The following GBA2 variants were observed in gnomAD, a reference collection of about 807,000 sequenced individuals.
GBA2 encodes the protein glucosylceramidase beta 2, also known as non-lysosomal glucosylceramidase.
A neutral mutation model predicts 112.9 loss-of-function variants in GBA2; 79 were observed. That is an observed-to-expected ratio of 0.70 (90% CI 0.58 to 0.84). GBA2 has a LOEUF of 0.84. GBA2 is among the 40% of genes least tolerant of loss of function. The pLI is 0.00. For synonymous variants in GBA2, 403 were observed against 434.3 expected (o/e 0.93, Z 0.90); for missense variants, 1,043 against 1,190.0 (o/e 0.88, Z 1.82).
rs1204799979 is a variant in GBA2 at position 35,737,021 on chromosome 9, C to T, written c.*148G>A. On this transcript the variant is annotated 3_prime_UTR_variant, in exon 17 of 17. Transcript: ENST00000378103. This position sits in a 1 kb window ranked among gnomAD's most constrained non-coding sequence, Gnocchi z 4.1. Reference sequence around the variant, plus strand: ...CTAATGCTGCCTAGGTCACCCTCAACCCCCATTTACTGGCACAATTGGGTG... The same window carrying T: ...CTAATGCTGCCTAGGTCACCCTCAATCCCCATTTACTGGCACAATTGGGTG... 2 of 1,250,876 alleles carry T rather than the reference C, an allele frequency of 1.6e-6. No homozygotes were observed. The highest frequency in any genetic ancestry group is 2.6e-5 in the Admixed American group (1 of 38,484). 77.5% of individuals were successfully genotyped at this position (1,250,876 alleles called of 1,614,324 possible). A position where few individuals can be genotyped will look rare whatever the true frequency, so the allele number is the denominator to read the frequency against.
chr9:35,739,328 T>C lies in GBA2; in HGVS notation c.1674A>G (p.Leu558=). The change falls in exon 10 of 17, where the codon CTA becomes CTG. Residue 558 remains leucine, a synonymous_variant. Coordinates refer to ENST00000378103, the MANE Select transcript of GBA2 (RefSeq NM_020944.3). The stretch of plus-strand genomic sequence containing the variant: ...AGGGATCCTCACCCATGTCATACTG[T>C]AGGCTGAGCTCAAGTTTGGGCCAGA... The part of the protein sequence containing the change: ...IMLWPKLELS[L]QYDMALATLR... The C allele has an allele frequency of 1.2e-6, 2 of 1,607,948 alleles. No homozygotes were observed. The highest frequency in any genetic ancestry group is 1.7e-6 in the Non-Finnish European group (2 of 1,174,404).
At position 35,744,430 on chromosome 9, in the gene GBA2, G is replaced by T; in HGVS notation, c.452-18C>A. 7.1e-7 allele frequency: 1 copy of T among 1,407,054 alleles called. No homozygotes were observed. Among genetic ancestry groups the T allele is most frequent in the Non-Finnish European group, 1.0e-6 (1 of 990,764 alleles). The allele number at this position is 1,407,054 out of a possible 1,614,324, so 87.2% of individuals were successfully genotyped here. ...GGGACAACCTAGAGAAATCAGGGTG[G>T]TTAGTGGGGTATTGGGAGAGGAAAA... is the stretch of plus-strand genomic sequence containing the variant. On this transcript the variant is annotated intron_variant, in intron 2 of 16. Coordinates refer to ENST00000378103, the MANE Select transcript of GBA2 (RefSeq NM_020944.3).
At chr9:35,739,938 G>A (rs1826538994) in intron 8 of GBA2, 60 bp downstream of exon 8, 1 of 1,597,012 alleles carries the variant, frequency 6.3e-7, no homozygotes, top group Middle Eastern at 1.7e-4. Flanking sequence ...AGAGTAAATC[G>A]AGGAGTCCCA....
Position 35,741,519 on chromosome 9 carries a change from C to T in GBA2, c.786+153G>A, listed in dbSNP as rs924035689. ...TTTCACGTGTTAGCCAGGATGGTCT[C>T]GATCTCCTGATCTCATGATCCGCCT... On this transcript the variant is annotated intron_variant, in intron 4 of 16. Coordinates refer to ENST00000378103, the MANE Select transcript of GBA2 (RefSeq NM_020944.3). This position sits in a 1 kb window ranked among gnomAD's most constrained non-coding sequence, Gnocchi z 4.6. 1.6e-5 allele frequency: 11 copies of T among 688,110 alleles called. No homozygotes were observed. Among genetic ancestry groups the T allele is most frequent in the Middle Eastern group, 4.0e-4 (1 of 2,490 alleles). The allele number at this position is 688,110 out of a possible 1,614,324, so 42.6% of individuals were successfully genotyped here.
chr9:35,740,755 G>A lies in GBA2; in HGVS notation c.1026+70C>T. 1.3e-6 allele frequency: 2 copies of A among 1,581,530 alleles called. No individual in the cohort carries two copies. The highest frequency in any genetic ancestry group is 1.7e-6 in the Non-Finnish European group (2 of 1,153,686). The stretch of plus-strand genomic sequence containing the variant: ...GGGCTTACAGGAGTATGATGAGGGT[G>A]GATGAAGAGACCATGCTGGGGTGGA... On this transcript the variant is annotated intron_variant, in intron 5 of 16. Transcript: ENST00000378103. The surrounding 1 kb of genome is among the most constrained non-coding windows in gnomAD (Gnocchi z 4.7).
At chr9:35,747,761 A>T (rs985126467) in intron 1 of GBA2, among the ~76,000 whole-genome samples, 12 of 152,174 alleles carry the variant, frequency 7.9e-5, no homozygotes, top group Admixed American at 7.9e-4. Context: ...ATGACTTAAT[A>T]TCAAGAGCTC....
chr9:35,741,324 TC>T lies in GBA2; in HGVS notation c.787-261del, dbSNP rs377297849. 1 of 532,344 alleles carries T rather than the reference TC, an allele frequency of 1.9e-6. No homozygotes were observed. The highest frequency in any genetic ancestry group is 3.3e-6 in the Non-Finnish European group (1 of 302,134). The allele number at this position is 532,344 out of a possible 1,614,324, so 33.0% of individuals were successfully genotyped here. On this transcript the variant is annotated intron_variant, in intron 4 of 16. Transcript: ENST00000378103. This position sits in a 1 kb window ranked among gnomAD's most constrained non-coding sequence, Gnocchi z 4.6. ...CCTCCCTTTCACAGGCCATGCAGTT[TC>T]TTTTTTTTTTTTTTTGGGGGGTGCG...
At chr9:35,745,471 G>T (rs1826925106) in intron 1 of GBA2, among the ~76,000 whole-genome samples, 1 of 150,914 alleles carries the variant, frequency 6.6e-6, no homozygotes, top group African/African-American at 2.4e-5. Context: ...TATGAAAGGT[G>T]AAAGGGGGAA....
Position 35,741,088 on chromosome 9 carries a change from G to A in GBA2, c.787-24C>T, listed in dbSNP as rs772680136. ...TCCTGGGGGCAGAAGATTAGACTCAGACGGTCCCAGTAGAGCGCCTCCTGA... is the reference window on the plus strand; with the variant it reads ...TCCTGGGGGCAGAAGATTAGACTCAAACGGTCCCAGTAGAGCGCCTCCTGA... On this transcript the variant is annotated intron_variant, in intron 4 of 16. Transcript: ENST00000378103. The surrounding 1 kb of genome is among the most constrained non-coding windows in gnomAD (Gnocchi z 4.6). The A allele has an allele frequency of 6.2e-7, 1 of 1,613,200 alleles. No homozygotes were observed. Among genetic ancestry groups the A allele is most frequent in the South Asian group, 1.1e-5 (1 of 91,062 alleles).
intron 3 of GBA2, among the ~76,000 whole-genome samples, chr9:35,744,029 C>T (rs1210653794): frequency 6.6e-6 from 1 of 152,070 alleles, no homozygotes; most frequent in Non-Finnish European, 1.5e-5. Flanking sequence ...GCTGCCTCAG[C>T]TAGTTGGGTT....
chr9:35,745,914 C>T (rs1826947732), intron 1 of GBA2, among the ~76,000 whole-genome samples: 1 of 152,182 alleles, frequency 6.6e-6, no homozygotes, highest in African/African-American at 2.4e-5. Context: ...GTCCCAGTTT[C>T]CTCATCTACA....
intron 1 of GBA2, among the ~76,000 whole-genome samples, chr9:35,747,608 C>CT (rs1827038988): frequency 6.6e-6 from 1 of 152,166 alleles, no homozygotes; most frequent in Non-Finnish European, 1.5e-5. Context: ...ATTGTGTAGA[C>CT]TGAGTCAGGA....
chr9:35,740,959 C>T lies in GBA2; in HGVS notation c.892G>A (p.Gly298Arg). The change falls in exon 5 of 17, where the codon GGA (glycine) becomes AGA (arginine). Residue 298 changes from glycine (G) to arginine (R), a missense_variant. Transcript: ENST00000378103. The surrounding 1 kb of genome is among the most constrained non-coding windows in gnomAD (Gnocchi z 4.7). ...MFSMRNGLGGGDDAPGGLWNE... is the reference protein window; with the variant it reads ...MFSMRNGLGGRDDAPGGLWNE... ...CACAAACCCCCTGGGGCATCGTCTC[C>T]ACCACCCAGTCCATTCCGCATGGAG... 1.9e-6 allele frequency: 3 copies of T among 1,614,204 alleles called. No individual in the cohort carries two copies. Among genetic ancestry groups the T allele is most frequent in the South Asian group, 2.2e-5 (2 of 91,088 alleles).
Position 35,741,832 on chromosome 9 carries a change from T to A in GBA2, c.626A>T (p.Glu209Val). 6.2e-7 allele frequency: 1 copy of A among 1,613,930 alleles called. No individual in the cohort carries two copies. Among genetic ancestry groups the A allele is most frequent in the African/African-American group, 1.3e-5 (1 of 74,986 alleles). The stretch of plus-strand genomic sequence containing the variant: ...CCAGCTGCGGAGGACACTTGGGCGC[T>A]CCAGGGACAGGACTTGCTGGTACAC... ...QTVYQQVLSL[E>V]RPSVLRSWNW... Residue 209 changes from glutamate to valine, a missense_variant, in exon 4 of 17, where the codon GAG becomes GTG. Physicochemically the swap from Glu to Val is moderately radical, Grantham distance 121. Transcript: ENST00000378103. This position sits in a 1 kb window ranked among gnomAD's most constrained non-coding sequence, Gnocchi z 4.6.
rs551860870 is a variant in GBA2 at position 35,741,083 on chromosome 9, A to G, written c.787-19T>C. 3.9e-5 allele frequency: 63 copies of G among 1,613,418 alleles called. 2 individuals carry two copies. In the South Asian group the frequency reaches 6.5e-4, roughly 17 times the overall value. ...TGCTGTCCTGGGGGCAGAAGATTAG[A>G]CTCAGACGGTCCCAGTAGAGCGCCT... On this transcript the variant is annotated intron_variant, in intron 4 of 16. Coordinates refer to ENST00000378103, the MANE Select transcript of GBA2 (RefSeq NM_020944.3). This position sits in a 1 kb window ranked among gnomAD's most constrained non-coding sequence, Gnocchi z 4.6.
rs1410535027 is a variant in GBA2 at position 35,744,676 on chromosome 9, A to G, written c.390T>C (p.His130=). ...RYLQWWYRKT[H]VEKKTPFIDM... is the part of the protein sequence containing the mutation. ...CGATGAAAGGTGTCTTCTTTTCCAC[A>G]TGGGTCTTCCGGTACCACCACTGCA... Residue 130 remains histidine, a synonymous_variant, in exon 2 of 17, where the codon CAT becomes CAC. Transcript: ENST00000378103. 6.2e-7 allele frequency: 1 copy of G among 1,609,118 alleles called. No homozygotes were observed. The highest frequency in any genetic ancestry group is 1.3e-5 in the African/African-American group (1 of 74,774).
Position 35,737,772 on chromosome 9 carries a change from C to A in GBA2, c.2481G>T (p.Gly827=), listed in dbSNP as rs1826317076. The A allele has an allele frequency of 1.2e-6, 2 of 1,613,974 alleles. No homozygotes were observed. The highest frequency in any genetic ancestry group is 2.2e-5 in the South Asian group (2 of 91,080). The part of the protein sequence containing the change: ...SDEVWVGVVY[G]LAATMIQEGL... The stretch of plus-strand genomic sequence containing the variant: ...CCTCTTGGATCATGGTAGCTGCCAG[C>A]CCGTAGACCACACCCACCCAGACTT... The change falls in exon 16 of 17, where the codon GGG becomes GGT. Residue 827 remains glycine, a synonymous_variant. Transcript: ENST00000378103. The surrounding 1 kb of genome is among the most constrained non-coding windows in gnomAD (Gnocchi z 4.1).
In GBA2 at chr9:35,748,539, C is replaced by CT; in HGVS notation, c.165dup (p.Glu56ArgfsTer18). ...TCCTCCGGATTGCAGCAGTCCGTCT[C>CT]TTTTGGGGGTCGGCTGTCTTCGGGA... is the stretch of plus-strand genomic sequence containing the variant. On this transcript the variant is annotated frameshift_variant, in exon 1 of 17. Transcript: ENST00000378103. LOFTEE classifies it high-confidence loss of function. 1 of 1,614,218 alleles carries CT rather than the reference C, an allele frequency of 6.2e-7. No homozygotes were observed. Among genetic ancestry groups the CT allele is most frequent in the Non-Finnish European group, 8.5e-7 (1 of 1,180,028 alleles).
rs1214657705 is a variant in GBA2, at chr9:35,746,636, G to C, written c.359+1710C>G. ...TAAAAAGGGACAGCACATTCTAGGGGTGGAAAGAAGAGGGAAGACAAAGGA... is the reference window on the plus strand; with the variant it reads ...TAAAAAGGGACAGCACATTCTAGGGCTGGAAAGAAGAGGGAAGACAAAGGA... On this transcript the variant is annotated intron_variant, in intron 1 of 16. Transcript: ENST00000378103. This position sits in a 1 kb window ranked among gnomAD's most constrained non-coding sequence, Gnocchi z 5.2. Among the ~76,000 whole-genome samples, 1 of 152,030 alleles carries C rather than the reference G, an allele frequency of 6.6e-6. No homozygotes were observed. Among genetic ancestry groups the C allele is most frequent in the Non-Finnish European group, 1.5e-5 (1 of 67,982 alleles).
Sources: gnomAD v4.1 joint callset for allele counts (sites outside exome capture counted in the v4.1 genomes callset) on GRCh38, gnomAD v4.1.1 for gene constraint, Gnocchi (gnomAD v3.1) non-coding constraint, MANE v1.5 for transcripts, NCBI Gene and HGNC (gene_info 2026-07-23, HGNC 2026-07-21) for gene names.